Variants in CHLSN observed in about 807,000 individuals in gnomAD.
CHLSN encodes the protein cholesin, also known as protein cholesin.
the CHLSN span, among the ~76,000 whole-genome samples, chr7:1,101,674 CG>C: frequency 1.3e-5 from 2 of 152,232 alleles, no homozygotes; most frequent in Non-Finnish European, 2.9e-5. Flanking sequence ...GCCCTGCCCA[CG>C]GCGTGCCTCC....
At chr7:1,016,815 G>C in the CHLSN span, among the ~76,000 whole-genome samples, 1 of 111,072 alleles carries the variant, frequency 9.0e-6, no homozygotes, top group Non-Finnish European at 1.7e-5. Flanking sequence ...GCACACACCA[G>C]CGCACAGCAG....
the CHLSN span, chr7:1,092,040 G>A: frequency 2.5e-5 from 41 of 1,613,880 alleles, no homozygotes; most frequent in Admixed American, 3.3e-5. Context: ...TGGCGGTGGC[G>A]GACCTCATCC....
the CHLSN span, chr7:985,258 G>A: frequency 7.1e-6 from 11 of 1,551,852 alleles, no homozygotes; most frequent in African/African-American, 2.7e-5. Flanking sequence ...CCGGGACCCC[G>A]TGTTTGTGTC....
At chr7:1,058,476 T>C in the CHLSN span, 12 of 780,290 alleles carry the variant, frequency 1.5e-5, no homozygotes, top group South Asian at 1.1e-4. Context: ...GGACCGGCAC[T>C]GCTCCCCGGA....
the CHLSN span, among the ~76,000 whole-genome samples, chr7:1,061,742 A>C: frequency 6.6e-6 from 1 of 152,012 alleles, no homozygotes; most frequent in Non-Finnish European, 1.5e-5. Flanking sequence ...TCATCTGCCC[A>C]ACTCCCCAGT....
chr7:979,789 C>T, the CHLSN span, among the ~76,000 whole-genome samples: 1 of 152,108 alleles, frequency 6.6e-6, no homozygotes. Flanking sequence ...TGCGCCATGC[C>T]TGCTCAGTCT....
the CHLSN span, among the ~76,000 whole-genome samples, chr7:1,070,734 G>A: frequency 2.7e-4 from 38 of 142,110 alleles, 1 homozygote; most frequent in African/African-American, 8.0e-4. Flanking sequence ...ACACATGCAC[G>A]CACATATGCA....
the CHLSN span, among the ~76,000 whole-genome samples, chr7:1,083,051 T>TG: frequency 5.9e-5 from 9 of 152,306 alleles, no homozygotes; most frequent in East Asian, 1.7e-3. Flanking sequence ...CATGTGCTCC[T>TG]GGGGGCGGAG....
chr7:1,009,898 AG>A, the CHLSN span: 1 of 1,425,256 alleles, frequency 7.0e-7, no homozygotes, highest in Non-Finnish European at 9.3e-7. Context: ...CCCCTCAGGC[AG>A]GGGTTGAGAC....
chr7:992,101 C>G, the CHLSN span, among the ~76,000 whole-genome samples: 1 of 152,186 alleles, frequency 6.6e-6, no homozygotes, highest in African/African-American at 2.4e-5. Flanking sequence ...AGGCAGACAC[C>G]CCGAACCCCA....
At chr7:1,008,332 G>A in the CHLSN span, among the ~76,000 whole-genome samples, 2 of 152,234 alleles carry the variant, frequency 1.3e-5, no homozygotes, top group Admixed American at 6.5e-5. Flanking sequence ...GGTGGCTTGT[G>A]GCCCTGCCTG....
the CHLSN span, among the ~76,000 whole-genome samples, chr7:1,066,817 C>T: frequency 2.0e-5 from 3 of 151,368 alleles, no homozygotes; most frequent in East Asian, 1.9e-4. Flanking sequence ...GGCTGGAGTG[C>T]ACCCCAGAGG....
chr7:1,009,062 TGCACGC>T, the CHLSN span, among the ~76,000 whole-genome samples: 1 of 120,266 alleles, frequency 8.3e-6, no homozygotes, highest in African/African-American at 2.7e-5. Flanking sequence ...CACGTGCACG[TGCACGC>T]AGCGTGCACA....
chr7:991,583 C>T, the CHLSN span, among the ~76,000 whole-genome samples: 15 of 152,370 alleles, frequency 9.8e-5, no homozygotes, highest in East Asian at 1.9e-4. Context: ...CTCAGGCTGC[C>T]GGCCAGGTGC....
At chr7:986,115 CCA>C in the CHLSN span, among the ~76,000 whole-genome samples, 1 of 152,184 alleles carries the variant, frequency 6.6e-6, no homozygotes, top group African/African-American at 2.4e-5. Context: ...CAGCTCCTTA[CCA>C]CAGAGACGCC....
chr7:1,039,071 C>T, the CHLSN span, among the ~76,000 whole-genome samples: 32 of 77,892 alleles, frequency 4.1e-4, no homozygotes, highest in Non-Finnish European at 5.8e-4. Context: ...GGGGGTCAGC[C>T]CCCCTGCCCG....
the CHLSN span, among the ~76,000 whole-genome samples, chr7:1,094,767 T>C: frequency 6.6e-6 from 1 of 152,168 alleles, no homozygotes; most frequent in South Asian, 2.1e-4. Flanking sequence ...GACATGAAGC[T>C]GTGTGTCGGT....
the CHLSN span, chr7:997,585 G>T: frequency 2.0e-6 from 3 of 1,466,934 alleles, no homozygotes; most frequent in Non-Finnish European, 1.8e-6. Context: ...GTCTGAGGCA[G>T]CCCTGCACTG....
At chr7:1,060,287 C>A in the CHLSN span, among the ~76,000 whole-genome samples, 1 of 152,190 alleles carries the variant, frequency 6.6e-6, no homozygotes, top group African/African-American at 2.4e-5. Flanking sequence ...ATGTTCCCCC[C>A]AAGTTTGCGG....
Sources: gnomAD v4.1 joint callset for allele counts (sites outside exome capture counted in the v4.1 genomes callset) on GRCh38, gnomAD v4.1.1 for gene constraint, MANE v1.5 for transcripts, NCBI Gene and HGNC (gene_info 2026-07-23, HGNC 2026-07-21) for gene names.